The following NXPE2 variants were observed in gnomAD, a reference collection of about 807,000 sequenced individuals.
The protein encoded by NXPE2 is NXPE family member 2.
Under a neutral mutation model 34.4 loss-of-function variants are expected in NXPE2, and 34 were observed. The ratio of observed to expected loss-of-function variants is 0.99; its 90% CI spans 0.75 to 1.31. The LOEUF is 1.31. Among genes scored for constraint, NXPE2 ranks in the 40% most tolerant of loss-of-function variants. The pLI is 0.00. For missense variants in NXPE2, 649 were observed against 672.5 expected (o/e 0.97, Z 0.39); for synonymous variants, 235 against 231.3 (o/e 1.02, Z -0.15).
the NXPE2 span, among the ~76,000 whole-genome samples, chr11:114,642,385 T>G: frequency 6.6e-6 from 1 of 151,930 alleles, no homozygotes; most frequent in East Asian, 1.9e-4. Flanking sequence ...CATCCCACCA[T>G]CTACAGTAGG....
At chr11:114,638,369 A>G in the NXPE2 span, among the ~76,000 whole-genome samples, 2 of 150,990 alleles carry the variant, frequency 1.3e-5, no homozygotes, top group Admixed American at 6.6e-5. Context: ...ATTCGTCTAA[A>G]TTTTTTTTCA....
At chr11:114,648,369 A>G in the NXPE2 span, among the ~76,000 whole-genome samples, 1 of 152,302 alleles carries the variant, frequency 6.6e-6, no homozygotes, top group African/African-American at 2.4e-5. Flanking sequence ...AAAAACCCAT[A>G]TCTCAGTGTG....
chr11:114,480,097 G>C, the NXPE2 span, among the ~76,000 whole-genome samples: 1 of 152,048 alleles, frequency 6.6e-6, no homozygotes, highest in Non-Finnish European at 1.5e-5. Context: ...TTTCCCACTA[G>C]GCCTCATCTC....
chr11:114,633,659 C>A, the NXPE2 span, among the ~76,000 whole-genome samples: 2 of 151,124 alleles, frequency 1.3e-5, no homozygotes, highest in Non-Finnish European at 2.9e-5. Flanking sequence ...GTTCCCCTTC[C>A]TGTGTCCATG....
At chr11:114,594,704 G>C in the NXPE2 span, 1 of 1,604,206 alleles carries the variant, frequency 6.2e-7, no homozygotes, top group Non-Finnish European at 8.5e-7. Context: ...GATCCAGGAG[G>C]CTAATATAAA....
At chr11:114,610,992 C>T in the NXPE2 span, among the ~76,000 whole-genome samples, 5 of 151,376 alleles carry the variant, frequency 3.3e-5, no homozygotes, top group Non-Finnish European at 7.4e-5. Flanking sequence ...CACTGTTACC[C>T]ACTGGATAAT....
chr11:114,577,527 G>A, the NXPE2 span, among the ~76,000 whole-genome samples: 19 of 151,914 alleles, frequency 1.3e-4, no homozygotes, highest in African/African-American at 4.1e-4. Flanking sequence ...AAACACCACC[G>A]GTTCCCCAAA....
Position 114,698,178 on chromosome 11 carries a change from A to G in NXPE2, c.266A>G (p.Glu89Gly). 1 of 1,614,196 alleles carries G rather than the reference A, an allele frequency of 6.2e-7. No homozygotes were observed. The highest frequency in any genetic ancestry group is 8.5e-7 in the Non-Finnish European group (1 of 1,180,010). The change falls in exon 3 of 6, where the codon GAG becomes GGG. Residue 89 changes from glutamate (E) to glycine (G), a missense_variant. Coordinates refer to ENST00000389586, the MANE Select transcript of NXPE2 (RefSeq NM_182495.6). ...ETELRIKDIMEKLDQQIPPRP... is the reference protein window; with the variant it reads ...ETELRIKDIMGKLDQQIPPRP... Reference sequence around the variant, plus strand: ...GAACTTAGAATAAAGGACATTATGGAGAAACTAGACCAGCAGATCCCACCC... The same window carrying G: ...GAACTTAGAATAAAGGACATTATGGGGAAACTAGACCAGCAGATCCCACCC...
At chr11:114,643,752 G>T in the NXPE2 span, among the ~76,000 whole-genome samples, 2 of 151,860 alleles carry the variant, frequency 1.3e-5, no homozygotes, top group Non-Finnish European at 2.9e-5. Context: ...CTCTTTTTTG[G>T]TACCATATGA....
the NXPE2 span, among the ~76,000 whole-genome samples, chr11:114,796,050 T>C: frequency 6.6e-6 from 1 of 152,318 alleles, no homozygotes; most frequent in East Asian, 1.9e-4. Flanking sequence ...ACATAGGACT[T>C]GGATTTAAAA....
chr11:114,557,618 T>C, the NXPE2 span, among the ~76,000 whole-genome samples: 1 of 135,920 alleles, frequency 7.4e-6, no homozygotes, highest in Admixed American at 8.3e-5. Flanking sequence ...AACACCACAA[T>C]ATATTATATA....
the NXPE2 span, chr11:114,512,924 C>T: frequency 9.2e-4 from 285 of 309,522 alleles, 3 homozygotes; most frequent in South Asian, 2.1e-3. Context: ...TGAGAGGTGC[C>T]GCTGGAAAAC....
chr11:114,624,509 GATA>G, the NXPE2 span, among the ~76,000 whole-genome samples: 23 of 152,222 alleles, frequency 1.5e-4, no homozygotes, highest in East Asian at 3.7e-3. Context: ...TTGCCCACTG[GATA>G]ATAATTATTG....
At chr11:114,790,110 C>T in the NXPE2 span, among the ~76,000 whole-genome samples, 23 of 152,152 alleles carry the variant, frequency 1.5e-4, no homozygotes, top group African/African-American at 5.1e-4. Flanking sequence ...TCTTGCCCCT[C>T]GCTGTCTCTG....
At chr11:114,539,570 A>G in the NXPE2 span, among the ~76,000 whole-genome samples, 1 of 152,208 alleles carries the variant, frequency 6.6e-6, no homozygotes, top group Non-Finnish European at 1.5e-5. Flanking sequence ...TTAACATGAT[A>G]AAGTTGTTAA....
the NXPE2 span, among the ~76,000 whole-genome samples, chr11:114,519,226 C>CA: frequency 9.1e-4 from 126 of 138,282 alleles, no homozygotes; most frequent in African/African-American, 3.9e-3. Flanking sequence ...TGCTTTCCCC[C>CA]CGTTTGGCAA....
At chr11:114,725,877 T>G in the NXPE2 span, among the ~76,000 whole-genome samples, 2 of 151,086 alleles carry the variant, frequency 1.3e-5, no homozygotes, top group African/African-American at 4.9e-5. Flanking sequence ...ATTCCCCAGT[T>G]AAGTTCTCCT....
intron 2 of NXPE2, among the ~76,000 whole-genome samples, chr11:114,683,506 C>T (rs969291845): frequency 3.3e-5 from 5 of 151,460 alleles, no homozygotes; most frequent in Admixed American, 6.6e-5. Flanking sequence ...CTGCAACCTC[C>T]GCCTCCTGGG....
At chr11:114,682,751 T>C (rs1211542123) in intron 2 of NXPE2, among the ~76,000 whole-genome samples, 2 of 152,164 alleles carry the variant, frequency 1.3e-5, no homozygotes, top group African/African-American at 2.4e-5. Context: ...GAAGACCTTT[T>C]GTAGTGCACA....
Sources: gnomAD v4.1 joint callset for allele counts (sites outside exome capture counted in the v4.1 genomes callset) on GRCh38, gnomAD v4.1.1 for gene constraint, MANE v1.5 for transcripts, NCBI Gene and HGNC (gene_info 2026-07-23, HGNC 2026-07-21) for gene names.